Variants in PTGES3 observed in about 807,000 individuals in gnomAD.
The protein encoded by PTGES3 is Hsp90 co-chaperone.
A neutral mutation model predicts 29.9 loss-of-function variants in PTGES3; 5 were observed. The observed-to-expected ratio is 0.17, with a 90% CI of 0.09 to 0.35. The LOEUF (loss-of-function observed/expected upper bound fraction) is 0.35, where lower values mean the gene tolerates loss of function less well. Among genes scored for constraint, PTGES3 ranks in the 10% least tolerant of loss-of-function variants. The pLI, the probability that PTGES3 is intolerant of heterozygous loss-of-function variation, is 1.00. For synonymous variants in PTGES3, 49 were observed against 57.8 expected (o/e 0.85, Z 0.69); for missense variants, 128 against 190.0 (o/e 0.67, Z 1.92).
At chr12:56,676,290 A>T (rs1450027322) in intron 1 of PTGES3, among the ~76,000 whole-genome samples, 16 of 149,452 alleles carry the variant, frequency 1.1e-4, no homozygotes, top group Admixed American at 9.4e-4. Flanking sequence ...CAGAAGGCTT[A>T]TTTTTTTTCA....
chr12:56,684,992 T>C (rs1307491045), intron 1 of PTGES3, among the ~76,000 whole-genome samples: 1 of 152,088 alleles, frequency 6.6e-6, no homozygotes, highest in African/African-American at 2.4e-5. Context: ...ATGGTGGTGC[T>C]TGCCTGCAGT....
At chr12:56,667,445 C>A (rs1445714846) in intron 5 of PTGES3, among the ~76,000 whole-genome samples, 1 of 152,116 alleles carries the variant, frequency 6.6e-6, no homozygotes, top group Non-Finnish European at 1.5e-5. Flanking sequence ...GATAGTCAAA[C>A]ATACAATGGA....
chr12:56,683,749 G>C (rs1411093098), intron 1 of PTGES3, among the ~76,000 whole-genome samples: 2 of 151,630 alleles, frequency 1.3e-5, no homozygotes, highest in African/African-American at 2.4e-5. Context: ...CACGAGATCA[G>C]GAGATCGAGA....
intron 6 of PTGES3, 42 bp from the exon 7 acceptor site, chr12:56,664,842 C>CGTTTGCTAACT (rs773621326): frequency 1.3e-6 from 2 of 1,590,000 alleles, no homozygotes; most frequent in Non-Finnish European, 8.6e-7. Context: ...ATCAAATATT[C>CGTTTGCTAACT]GTTTGCTAAC....
chr12:56,688,222 T>C lies in PTGES3; in HGVS notation c.-223A>G, dbSNP rs564149058. 9 of 779,782 alleles carry C rather than the reference T, an allele frequency of 1.2e-5. No individual in the cohort carries two copies. The African/African-American group carries it at 1.3e-4, about 11-fold the overall frequency. 48.3% of individuals were successfully genotyped at this position (779,782 alleles called of 1,614,324 possible). A position where few individuals can be genotyped will look rare whatever the true frequency, so the allele number is the denominator to read the frequency against. The stretch of plus-strand genomic sequence containing the variant: ...CCTCCGGTCGGGGAGAAGAGGAAAG[T>C]GTAGGAAAAGGGGCGCGAGGACGGA... On this transcript the variant is annotated 5_prime_UTR_variant, in exon 1 of 8. Coordinates refer to ENST00000262033, the MANE Select transcript of PTGES3 (RefSeq NM_006601.7).
chr12:56,687,315 C>T, intron 1 of PTGES3: 2 of 989,948 alleles, frequency 2.0e-6, no homozygotes, highest in Non-Finnish European at 2.4e-6. Context: ...GCGGAACTAC[C>T]TGCTCAATGG....
chr12:56,671,591 C>T (rs535239025), intron 4 of PTGES3, among the ~76,000 whole-genome samples, 158 bp downstream of exon 4: 4 of 152,320 alleles, frequency 2.6e-5, no homozygotes, highest in African/African-American at 9.6e-5. Flanking sequence ...TCTGATCACA[C>T]TTCGTATTAA....
At chr12:56,672,639 C>T in intron 3 of PTGES3, 101 bp downstream of exon 3, 31 of 1,310,430 alleles carry the variant, frequency 2.4e-5, no homozygotes, top group Non-Finnish European at 3.1e-5. Context: ...GTTTGCCTCA[C>T]TGTTAAGAAA....
In PTGES3 at chr12:56,674,214, T is replaced by C. The variant is rs142055749; in HGVS notation, c.3-1149A>G. ...AGGATAGACCCTAATCCAATGACTG[T>C]TGTCCTCCTATATAAAGAGATTAGC... On this transcript the variant is annotated intron_variant, in intron 1 of 7. Transcript: ENST00000262033. Among the ~76,000 whole-genome samples, 102 of 152,280 alleles carry C rather than the reference T, an allele frequency of 6.7e-4. 1 individual carries two copies. The East Asian group carries it at 0.015, about 23-fold the overall frequency.
chr12:56,685,858 C>A (rs1751829922), intron 1 of PTGES3, among the ~76,000 whole-genome samples: 1 of 145,050 alleles, frequency 6.9e-6, no homozygotes, highest in Non-Finnish European at 1.5e-5. Context: ...CTCACTGAAA[C>A]CTTCACCTCC....
At chr12:56,678,937 C>T (rs1419322200) in intron 1 of PTGES3, among the ~76,000 whole-genome samples, 1 of 151,548 alleles carries the variant, frequency 6.6e-6, no homozygotes, top group Admixed American at 6.6e-5. Context: ...GGCAACACTG[C>T]GAGACCACAT....
intron 5 of PTGES3, among the ~76,000 whole-genome samples, chr12:56,668,103 T>A (rs1026445437): frequency 1.1e-4 from 16 of 152,162 alleles, no homozygotes. Flanking sequence ...AGCAAAACTC[T>A]GCCTCAAAAA....
At chr12:56,665,333 T>C in intron 6 of PTGES3, 1 of 969,056 alleles carries the variant, frequency 1.0e-6, no homozygotes, top group Middle Eastern at 5.3e-4. Flanking sequence ...TCTTGCTCTG[T>C]CACCCAGGCT....
chr12:56,671,082 C>G (rs1016140740), intron 4 of PTGES3, among the ~76,000 whole-genome samples: 1 of 151,746 alleles, frequency 6.6e-6, no homozygotes, highest in African/African-American at 2.4e-5. Flanking sequence ...TGCACTCTGG[C>G]ATGAGTGGCA....
intron 1 of PTGES3, among the ~76,000 whole-genome samples, chr12:56,675,308 A>C (rs1189784661): frequency 6.6e-6 from 1 of 151,864 alleles, no homozygotes; most frequent in East Asian, 1.9e-4. Flanking sequence ...TCAAAAAAGA[A>C]AAAGAAAAAG....
At chr12:56,671,918 T>A in intron 3 of PTGES3, 71 bp from the exon 4 acceptor site, 1 of 893,890 alleles carries the variant, frequency 1.1e-6, no homozygotes, top group Non-Finnish European at 1.6e-6. Flanking sequence ...AGCTTGTCAT[T>A]TCTCACCTTT....
intron 6 of PTGES3, chr12:56,665,498 T>C: frequency 1.0e-6 from 1 of 972,260 alleles, no homozygotes. Context: ...TTTCGCCATC[T>C]TGGCCAGGCT....
intron 5 of PTGES3, among the ~76,000 whole-genome samples, chr12:56,666,900 T>C (rs1951810287): frequency 6.6e-6 from 1 of 152,140 alleles, no homozygotes; most frequent in Non-Finnish European, 1.5e-5. Flanking sequence ...GTGCTGGGAT[T>C]ACAGGCGTGA....
At chr12:56,672,833 A>G (rs1222010081) in intron 2 of PTGES3, 24 bp from the exon 3 acceptor site, 6 of 1,565,608 alleles carry the variant, frequency 3.8e-6, no homozygotes, top group Non-Finnish European at 5.2e-6. Flanking sequence ...TAAAGAAAGA[A>G]TTAAGCCTCT....
Sources: gnomAD v4.1 joint callset for allele counts (sites outside exome capture counted in the v4.1 genomes callset) on GRCh38, gnomAD v4.1.1 for gene constraint, MANE v1.5 for transcripts, NCBI Gene and HGNC (gene_info 2026-07-23, HGNC 2026-07-21) for gene names.